ANKRD12: variants seen among roughly 807,000 people sequenced by gnomAD.
ANKRD12 encodes the protein ankyrin repeat domain-containing protein 12.
ANKRD12 carries 85 observed loss-of-function variants against 183.4 expected under a neutral mutation model. The observed-to-expected ratio is 0.46, with a 90% CI of 0.39 to 0.56. The LOEUF is 0.56. Ranked by LOEUF, ANKRD12 falls within the 20% of genes least tolerant of loss-of-function variation. The pLI, the probability that ANKRD12 is intolerant of heterozygous loss-of-function variation, is 0.00. For synonymous variants in ANKRD12, 914 were observed against 800.2 expected, an observed-to-expected ratio of 1.14 and a Z score of -2.40; for missense variants, 2,405 against 2,357.1, an observed-to-expected ratio of 1.02 and a Z score of -0.42.
At chr18:9,235,172 A>G (rs1177419230) in intron 8 of ANKRD12, among the ~76,000 whole-genome samples, 1 of 152,202 alleles carries the variant, frequency 6.6e-6, no homozygotes, top group African/African-American at 2.4e-5. Flanking sequence ...ATTCATCATC[A>G]TAAGAGGATG....
intron 3 of ANKRD12, among the ~76,000 whole-genome samples, chr18:9,202,804 T>C (rs2035252302): frequency 6.6e-6 from 1 of 152,170 alleles, no homozygotes; most frequent in African/African-American, 2.4e-5. Flanking sequence ...GCTTTAATTT[T>C]CCAGTTCCTG....
Position 9,284,817 on chromosome 18 carries a change from A to G in ANKRD12, c.*3691A>G, listed in dbSNP as rs1008668499. ...TATTAGCATAAAAATAGCAAAAAGT[A>G]CAACTAAAAAAATGGTTGGGTTTTC... On this transcript the variant is annotated 3_prime_UTR_variant, in exon 13 of 13. Coordinates refer to ENST00000262126, the MANE Select transcript of ANKRD12 (RefSeq NM_015208.5). 1 of 152,258 alleles carries G rather than the reference A, an allele frequency of 6.6e-6. No individual in the cohort carries two copies. The highest frequency in any genetic ancestry group is 6.5e-5 in the Admixed American group (1 of 15,288). 9.4% of individuals were successfully genotyped at this position (152,258 alleles called of 1,614,324 possible). A position where few individuals can be genotyped will look rare whatever the true frequency, so the allele number is the denominator to read the frequency against.
Position 9,257,500 on chromosome 18 carries a change from T to C in ANKRD12, c.4233T>C (p.Val1411=), listed in dbSNP as rs761041347. Reference sequence around the variant, plus strand: ...TGCATTTAGAGCCATCTAGTCAGGTTGGTGTGATCCAGAATAAATCATGGG... The same window carrying C: ...TGCATTTAGAGCCATCTAGTCAGGTCGGTGTGATCCAGAATAAATCATGGG... The part of the protein sequence containing the change: ...SPVHLEPSSQ[V]GVIQNKSWEM... The change falls in exon 9 of 13, where the codon GTT becomes GTC. Residue 1411 remains valine (V), a synonymous_variant. Transcript: ENST00000262126. 1 of 1,614,096 alleles carries C rather than the reference T, an allele frequency of 6.2e-7. No homozygotes were observed. Among genetic ancestry groups the C allele is most frequent in the South Asian group, 1.1e-5 (1 of 91,082 alleles).
chr18:9,257,954 G>T lies in ANKRD12; in HGVS notation c.4687G>T (p.Val1563Leu), dbSNP rs757809471. ...DVQKTDAFVP[V>L]YSDSTIQEAS... is the part of the protein sequence containing the mutation. The stretch of plus-strand genomic sequence containing the variant: ...TCAAAAAACAGATGCCTTTGTCCCA[G>T]TGTACTCTGACAGCACTATTCAAGA... The change falls in exon 9 of 13, where the codon GTG becomes TTG. Residue 1563 changes from valine to leucine, a missense_variant. Transcript: ENST00000262126. 2.5e-6 allele frequency: 4 copies of T among 1,613,822 alleles called. No individual in the cohort carries two copies. The highest frequency in any genetic ancestry group is 3.4e-6 in the Non-Finnish European group (4 of 1,179,974).
intron 1 of ANKRD12, among the ~76,000 whole-genome samples, chr18:9,159,599 AT>A (rs71168039): frequency 1.2e-4 from 17 of 143,000 alleles, no homozygotes; most frequent in African/African-American, 1.3e-4. Flanking sequence ...GCCTGGCTAA[AT>A]TTTTTTTTTT....
At chr18:9,205,289 ACATTG>A (rs1376510486) in intron 4 of ANKRD12, among the ~76,000 whole-genome samples, 111 of 150,636 alleles carry the variant, frequency 7.4e-4, no homozygotes, top group Non-Finnish European at 8.3e-4. Flanking sequence ...AAATTGGCTA[ACATTG>A]TTATCTCTGA....
intron 1 of ANKRD12, among the ~76,000 whole-genome samples, chr18:9,181,979 T>G (rs1222570833): frequency 6.6e-6 from 1 of 152,198 alleles, no homozygotes; most frequent in African/African-American, 2.4e-5. Context: ...GAATTAGGTG[T>G]TGTAAAATTA....
intron 8 of ANKRD12, among the ~76,000 whole-genome samples, chr18:9,243,343 C>T (rs532655637): frequency 1.3e-5 from 2 of 152,290 alleles, no homozygotes; most frequent in East Asian, 3.9e-4. Flanking sequence ...GAGATCACTA[C>T]TAACAAGCCT....
intron 7 of ANKRD12, 106 bp from the exon 8 acceptor site, chr18:9,221,746 T>TA: frequency 1.8e-6 from 2 of 1,129,104 alleles, no homozygotes; most frequent in Admixed American, 5.2e-5. Context: ...GGATGCAGAG[T>TA]AAATGAGGTA....
chr18:9,247,559 AT>A (rs1370514111), intron 8 of ANKRD12, among the ~76,000 whole-genome samples: 1 of 152,138 alleles, frequency 6.6e-6, no homozygotes, highest in African/African-American at 2.4e-5. Flanking sequence ...AGGCTAATTA[AT>A]TTTTATCATC....
chr18:9,243,196 T>A (rs1344219445), intron 8 of ANKRD12, among the ~76,000 whole-genome samples: 3 of 152,214 alleles, frequency 2.0e-5, no homozygotes, highest in African/African-American at 7.2e-5. Context: ...TTTTAGTTAG[T>A]GGGCTGTTTG....
intron 11 of ANKRD12, among the ~76,000 whole-genome samples, chr18:9,277,321 C>CTTTTTT (rs773999861): frequency 2.7e-4 from 23 of 84,594 alleles, no homozygotes; most frequent in Non-Finnish European, 3.6e-4. Context: ...CACCCTGTTT[C>CTTTTTT]TTTTTTTTTT....
Position 9,188,906 on chromosome 18 carries a change from A to G in ANKRD12, c.87+6387A>G, listed in dbSNP as rs185714868. ...GGCCTTCCTATTTCCTAAAACAACA[A>G]TTTTGAAATTGTTGTGTTTCAGTGG... On this transcript the variant is annotated intron_variant, in intron 2 of 12. Transcript: ENST00000262126. Among the ~76,000 whole-genome samples the G allele has an allele frequency of 1.4e-4, 21 of 152,096 alleles. No homozygotes were observed. The East Asian group carries it at 3.7e-3, about 27-fold the overall frequency.
At chr18:9,144,989 G>A (rs918326379) in intron 1 of ANKRD12, among the ~76,000 whole-genome samples, 2 of 152,086 alleles carry the variant, frequency 1.3e-5, no homozygotes, top group Non-Finnish European at 2.9e-5. Context: ...AGTAAAAAGT[G>A]AAAAGTCATG....
chr18:9,259,073 G>T, intron 9 of ANKRD12, 142 bp downstream of exon 9: 1 of 1,015,528 alleles, frequency 9.8e-7, no homozygotes, highest in Admixed American at 3.0e-5. Context: ...TATAAAGCTA[G>T]TAACGTTCTT....
intron 1 of ANKRD12, among the ~76,000 whole-genome samples, chr18:9,172,925 A>G (rs8084491): frequency 0.78 from 118,231 of 151,636 alleles, 46,316 homozygotes; most frequent in Middle Eastern, 0.88. Flanking sequence ...TTTTTGAGAC[A>G]GAGTCTCGCC....
chr18:9,269,779 TTAAAC>T (rs1429927914), intron 10 of ANKRD12, among the ~76,000 whole-genome samples: 4 of 152,150 alleles, frequency 2.6e-5, no homozygotes, highest in African/African-American at 9.7e-5. Flanking sequence ...TGGGATCTAA[TTAAAC>T]TAAAGAGCTT....
chr18:9,268,573 C>T (rs890960403), intron 10 of ANKRD12, among the ~76,000 whole-genome samples: 4 of 152,248 alleles, frequency 2.6e-5, no homozygotes, highest in South Asian at 4.2e-4. Flanking sequence ...ATTCAACAAC[C>T]CTTCATGCTA....
chr18:9,196,504 T>C (rs1230925277), intron 3 of ANKRD12, among the ~76,000 whole-genome samples: 1 of 152,196 alleles, frequency 6.6e-6, no homozygotes, highest in Non-Finnish European at 1.5e-5. Context: ...GAGAAAGTAT[T>C]CCATTCTGAG....
Sources: allele counts gnomAD v4.1 joint callset (sites outside exome capture counted in the v4.1 genomes callset), GRCh38; gene constraint gnomAD v4.1.1; transcripts MANE v1.5; gene names NCBI Gene and HGNC (gene_info 2026-07-23, HGNC 2026-07-21).